The following NTRK2 variants were observed in gnomAD, a reference collection of about 807,000 sequenced individuals.
NTRK2 encodes neurotrophic receptor tyrosine kinase 2, also known as BDNF/NT-3 growth factors receptor.
A neutral mutation model predicts 94.5 loss-of-function variants in NTRK2; 13 were observed. The observed-to-expected ratio is 0.14, with a 90% CI of 0.09 to 0.22. The LOEUF (loss-of-function observed/expected upper bound fraction) is 0.22, where lower values mean the gene tolerates loss of function less well. NTRK2 is among the 10% of genes least tolerant of loss of function. NTRK2 has a pLI of 1.00. For missense variants in NTRK2, 639 were observed against 1,071.2 expected, an observed-to-expected ratio of 0.60 and a Z score of 5.63; for synonymous variants, 372 against 407.4, an observed-to-expected ratio of 0.91 and a Z score of 1.05.
At chr9:84,937,841 A>T (rs2078264542) in intron 15 of NTRK2, among the ~76,000 whole-genome samples, 1 of 152,230 alleles carries the variant, frequency 6.6e-6, no homozygotes, top group African/African-American at 2.4e-5. Context: ...TCCAACCTGT[A>T]TTTCCAAAGC....
At chr9:84,672,070 G>C (rs145895363) in intron 2 of NTRK2, among the ~76,000 whole-genome samples, 1 of 152,200 alleles carries the variant, frequency 6.6e-6, no homozygotes, top group Non-Finnish European at 1.5e-5. Flanking sequence ...GGCTTGGGCT[G>C]TGGCCTTCCG....
intron 12 of NTRK2, among the ~76,000 whole-genome samples, chr9:84,765,187 A>G (rs1201608696): frequency 6.6e-6 from 1 of 152,174 alleles, no homozygotes; most frequent in Non-Finnish European, 1.5e-5. Context: ...TAGCTTTTAA[A>G]ATAATTTAAA....
intron 16 of NTRK2, among the ~76,000 whole-genome samples, chr9:84,952,441 T>C (rs755642185): frequency 5.3e-5 from 8 of 152,212 alleles, no homozygotes; most frequent in Non-Finnish European, 1.2e-4. Flanking sequence ...TGGTGCTTTT[T>C]TTAATTTTGT....
intron 14 of NTRK2, chr9:84,871,750 G>A (rs372886831): frequency 1.4e-5 from 22 of 1,578,766 alleles, no homozygotes; most frequent in East Asian, 6.7e-5. Flanking sequence ...AATTCCTCCC[G>A]AGCACTTTCC....
chr9:84,772,930 CTGTGGGGTTTGG>C (rs1205566040), intron 12 of NTRK2, among the ~76,000 whole-genome samples: 3 of 152,158 alleles, frequency 2.0e-5, no homozygotes, highest in African/African-American at 7.2e-5. Flanking sequence ...TTGTGCCCTG[CTGTGGGGTTTGG>C]AGTTGATACT....
intron 12 of NTRK2, among the ~76,000 whole-genome samples, chr9:84,818,220 G>A (rs1294483873): frequency 1.3e-5 from 2 of 152,172 alleles, no homozygotes; most frequent in Non-Finnish European, 2.9e-5. Flanking sequence ...ACTAGGATTT[G>A]AGTTCAAGCA....
chr9:84,812,231 A>G (rs200324734), intron 12 of NTRK2: 3 of 1,056,240 alleles, frequency 2.8e-6, no homozygotes, highest in Non-Finnish European at 2.3e-6. Flanking sequence ...AAGGATATCC[A>G]TAATGAATAT....
chr9:84,710,897 C>T (rs117888362), intron 6 of NTRK2, 106 bp downstream of exon 6: 16,015 of 1,052,948 alleles, frequency 0.015, 158 homozygotes, highest in Non-Finnish European at 0.019. Context: ...ATATAGTATT[C>T]TGTTGATGTC....
At chr9:84,786,875 T>C (rs2068168408) in intron 12 of NTRK2, among the ~76,000 whole-genome samples, 1 of 152,110 alleles carries the variant, frequency 6.6e-6, no homozygotes, top group Non-Finnish European at 1.5e-5. Flanking sequence ...GAAAATCCAC[T>C]CTCGATTTTC....
intron 17 of NTRK2, among the ~76,000 whole-genome samples, chr9:85,004,053 G>GAAAGAAAGAAAGAAAGAAAGAAAAGAAA (rs1316613240): frequency 1.2e-4 from 8 of 64,842 alleles, no homozygotes; most frequent in Non-Finnish European, 1.7e-4. Context: ...AAGGGAGAAA[G>GAAAGAAAGAAAGAAAGAAAGAAAAGAAA]AGAAAGAAAG....
intron 14 of NTRK2, chr9:84,874,055 T>C (rs2075973386): frequency 1.9e-6 from 2 of 1,064,098 alleles, no homozygotes; most frequent in African/African-American, 3.3e-5. Flanking sequence ...AGGATCCTAA[T>C]GTATTTGTTC....
At chr9:84,825,459 T>C (rs2073125229) in intron 12 of NTRK2, among the ~76,000 whole-genome samples, 1 of 152,110 alleles carries the variant, frequency 6.6e-6, no homozygotes, top group Admixed American at 6.6e-5. Context: ...CTACTCCACT[T>C]GGTTTGACCC....
At chr9:84,687,769 G>T (rs79331452) in intron 2 of NTRK2, among the ~76,000 whole-genome samples, 14 of 152,270 alleles carry the variant, frequency 9.2e-5, no homozygotes, top group Middle Eastern at 3.4e-3. Flanking sequence ...TTTTGAACAT[G>T]TCTTTGTACC....
At chr9:84,753,350 T>C (rs1393737945) in intron 12 of NTRK2, among the ~76,000 whole-genome samples, 2 of 152,116 alleles carry the variant, frequency 1.3e-5, no homozygotes, top group African/African-American at 2.4e-5. Context: ...AAAACTCCTA[T>C]AGGACTTGAG....
At chr9:84,855,287 GA>G (rs777505937) in intron 12 of NTRK2, among the ~76,000 whole-genome samples, 4 of 152,192 alleles carry the variant, frequency 2.6e-5, no homozygotes, top group Non-Finnish European at 2.9e-5. Flanking sequence ...GGCTACTGAA[GA>G]AATCTAGGTG....
chr9:84,769,218 G>A (rs375031129), intron 12 of NTRK2, among the ~76,000 whole-genome samples: 59 of 152,166 alleles, frequency 3.9e-4, no homozygotes, highest in African/African-American at 1.1e-3. Flanking sequence ...ATTTTAAAAG[G>A]CAGTGTATGG....
intron 9 of NTRK2, among the ~76,000 whole-genome samples, chr9:84,730,540 A>T (rs1171397464): frequency 7.5e-6 from 1 of 132,722 alleles, no homozygotes; most frequent in Non-Finnish European, 1.5e-5. Flanking sequence ...GGAGATCGAG[A>T]CCATCCTGGC....
chr9:85,005,821 C>A (rs747356762), intron 17 of NTRK2, among the ~76,000 whole-genome samples: 40 of 152,324 alleles, frequency 2.6e-4, no homozygotes, highest in Non-Finnish European at 5.4e-4. Flanking sequence ...CCTTGACTGA[C>A]CTACCTTTCT....
chr9:84,725,466 A>G (rs1229677420), intron 8 of NTRK2, among the ~76,000 whole-genome samples: 1 of 152,088 alleles, frequency 6.6e-6, no homozygotes, highest in Non-Finnish European at 1.5e-5. Flanking sequence ...TCATTTGAGC[A>G]TGGTGGAAGG....
Sources: allele counts gnomAD v4.1 joint callset (sites outside exome capture counted in the v4.1 genomes callset), GRCh38; gene constraint gnomAD v4.1.1; transcripts MANE v1.5; gene names NCBI Gene and HGNC (gene_info 2026-07-23, HGNC 2026-07-21).